The following UMODL1 variants were observed in gnomAD, a reference collection of about 807,000 sequenced individuals.
UMODL1 encodes the protein uromodulin-like 1.
In UMODL1, 128 loss-of-function variants were observed where a neutral mutation model predicts 136.3. The observed-to-expected ratio is 0.94, with a 90% confidence interval of 0.81 to 1.09. UMODL1 has a LOEUF of 1.09. UMODL1 is among the 50% of genes least tolerant of loss of function. The pLI is 0.00. For synonymous variants in UMODL1, 721 were observed against 720.0 expected, an observed-to-expected ratio of 1.00 and a Z score of -0.02; for missense variants, 1,766 against 1,725.6, an observed-to-expected ratio of 1.02 and a Z score of -0.41.
chr21:42,110,970 T>A lies in UMODL1; in HGVS notation c.1748T>A (p.Leu583Gln). 6.2e-7 allele frequency: 1 copy of A among 1,613,120 alleles called. No individual in the cohort carries two copies. Among genetic ancestry groups the A allele is most frequent in the African/African-American group, 1.3e-5 (1 of 75,036 alleles). The change falls in exon 11 of 23, where the codon CTA becomes CAA. Residue 583 changes from leucine to glutamine, a missense_variant. Physicochemically the swap from Leu to Gln is moderately radical, Grantham distance 113 (BLOSUM62 -2). Transcript: ENST00000408910. ...GLGTGTAALG[L>Q]ENFTLSPSPG... ...GGCACGGGAACAGCAGCCCTCGGCC[T>A]AGAGAACTTCACCTTGTCACCCAGT...
rs931655262 is a variant in UMODL1 at position 42,138,262 on chromosome 21, C to A, written c.*21+621C>A. On this transcript the variant is annotated intron_variant, in intron 22 of 22. Coordinates refer to ENST00000408910, the MANE Select transcript of UMODL1 (RefSeq NM_001004416.3). ...AGAGGCCCCGCTATGGGGTCTGACG[C>A]CCTCAATTGCTGGTGGATCCTAACG... is the stretch of plus-strand genomic sequence containing the variant. 5.3e-5 allele frequency among the ~76,000 whole-genome samples: 8 copies of A among 152,260 alleles called. No individual in the cohort carries two copies. The South Asian group carries it at 1.5e-3, about 28-fold the overall frequency.
In UMODL1 at chr21:42,088,468, G is replaced by A. The variant is rs565641987; in HGVS notation, c.778G>A (p.Val260Ile). The part of the protein sequence containing the change: ...IAKRVYEVIS[V>I]QVQDVNECFY... ...GAAGCGTGTCTATGAAGTGATCAGCGTCCAGGTGCAAGGTTGGGCTTCCCT... is the reference window on the plus strand; with the variant it reads ...GAAGCGTGTCTATGAAGTGATCAGCATCCAGGTGCAAGGTTGGGCTTCCCT... Residue 260 changes from valine (V) to isoleucine (I), a missense_variant, in exon 5 of 23, where the codon GTC (valine) becomes ATC (isoleucine). Coordinates refer to ENST00000408910, the MANE Select transcript of UMODL1 (RefSeq NM_001004416.3). The A allele has an allele frequency of 6.1e-5, 98 of 1,597,772 alleles. No individual in the cohort carries two copies. In the African/African-American group the frequency reaches 9.0e-4, roughly 15 times the overall value.
At chr21:42,068,289 G>C (rs141049137), upstream of UMODL1, among the ~76,000 whole-genome samples, 1 of 152,194 alleles carries the variant, frequency 6.6e-6, no homozygotes, top group Non-Finnish European at 1.5e-5. The surrounding 1 kb of genome is among the most constrained non-coding windows in gnomAD (Gnocchi z 5.5). Context: ...ATGCCGGGGG[G>C]CCTATCCTCC....
chr21:42,084,201 G>A lies in UMODL1; in HGVS notation c.437G>A (p.Cys146Tyr), dbSNP rs1569144800. ...GACTGTCCTGGACTTGAGAAGTGCT[G>A]CCCCTGGTCAGGGGGGCGCTACTGC... ...DIDCPGLEKC[C>Y]PWSGGRYCMA... The change falls in exon 3 of 23, where the codon TGC (cysteine) becomes TAC (tyrosine). Residue 146 changes from cysteine (C) to tyrosine (Y), a missense_variant. Coordinates refer to ENST00000408910, the MANE Select transcript of UMODL1 (RefSeq NM_001004416.3). 1 of 1,613,892 alleles carries A rather than the reference G, an allele frequency of 6.2e-7. No homozygotes were observed. Among genetic ancestry groups the A allele is most frequent in the Non-Finnish European group, 8.5e-7 (1 of 1,180,028 alleles).
chr21:42,075,247 G>GT (rs1555917892), intron 1 of UMODL1, among the ~76,000 whole-genome samples: 17 of 152,030 alleles, frequency 1.1e-4, no homozygotes, highest in African/African-American at 3.4e-4. Context: ...GAGATGGGGG[G>GT]GGGGTTTCAC....
At chr21:42,082,034 G>A (rs1033628019) in intron 2 of UMODL1, among the ~76,000 whole-genome samples, 1 of 152,226 alleles carries the variant, frequency 6.6e-6, no homozygotes, top group Non-Finnish European at 1.5e-5. Flanking sequence ...ATGATGAGGA[G>A]ATGAAGAGTG....
In UMODL1 at chr21:42,108,610, C is replaced by T. The variant is rs118104148; in HGVS notation, c.1520-952C>T. ...GGCATGCCGGGTGTGGGTTCGTTCC[C>T]GAGCACCTCCACCCGCAGCTCTACA... On this transcript the variant is annotated intron_variant, in intron 9 of 22. Coordinates refer to ENST00000408910, the MANE Select transcript of UMODL1 (RefSeq NM_001004416.3). 1.3e-3 allele frequency: 434 copies of T among 340,748 alleles called. 6 individuals are homozygous for T. The East Asian group carries it at 0.028, about 22-fold the overall frequency. 21.1% of individuals were successfully genotyped at this position (340,748 alleles called of 1,614,324 possible). A position where few individuals can be genotyped will look rare whatever the true frequency, so the allele number is the denominator to read the frequency against.
intron 21 of UMODL1, among the ~76,000 whole-genome samples, chr21:42,136,299 C>T (rs1415402950): frequency 6.6e-6 from 1 of 152,184 alleles, no homozygotes; most frequent in African/African-American, 2.4e-5. Flanking sequence ...TTATAGCCAC[C>T]AACTCCATGT....
At chr21:42,097,062 C>T (rs568395625) in intron 6 of UMODL1, among the ~76,000 whole-genome samples, 13 of 152,286 alleles carry the variant, frequency 8.5e-5, no homozygotes, top group Admixed American at 7.2e-4. Context: ...AGCTTTGGGC[C>T]ACCCTCAGTT....
chr21:42,108,051 C>T (rs1220286561), intron 9 of UMODL1, among the ~76,000 whole-genome samples: 3 of 152,218 alleles, frequency 2.0e-5, no homozygotes, highest in Non-Finnish European at 2.9e-5. Flanking sequence ...ACTGGAGGGC[C>T]GGCAAGCCTC....
chr21:42,119,736 C>T (rs1303676606), intron 15 of UMODL1, among the ~76,000 whole-genome samples: 1 of 152,036 alleles, frequency 6.6e-6, no homozygotes, highest in African/African-American at 2.4e-5. Flanking sequence ...TTCTTTTCTC[C>T]TATCATACTT....
chr21:42,133,416 A>G (rs1446536377), intron 21 of UMODL1, among the ~76,000 whole-genome samples: 1 of 152,214 alleles, frequency 6.6e-6, no homozygotes, highest in Non-Finnish European at 1.5e-5. Context: ...CAGGCTGCTC[A>G]TAACCCACTC....
intron 22 of UMODL1, among the ~76,000 whole-genome samples, chr21:42,140,891 T>G (rs1291389552): frequency 2.0e-5 from 3 of 152,154 alleles, no homozygotes; most frequent in Non-Finnish European, 4.4e-5. Context: ...CTCAGTTTGG[T>G]AGCTTTTGGC....
chr21:42,138,638 C>T (rs1414354982), intron 22 of UMODL1, among the ~76,000 whole-genome samples: 4 of 151,324 alleles, frequency 2.6e-5, no homozygotes, highest in Admixed American at 2.0e-4. Flanking sequence ...TGCAGTGGTG[C>T]GATCTTGGCT....
intron 21 of UMODL1, among the ~76,000 whole-genome samples, chr21:42,132,067 T>C (rs1026210517): frequency 3.3e-5 from 5 of 152,190 alleles, no homozygotes; most frequent in Non-Finnish European, 7.3e-5. Context: ...GATTATAGGC[T>C]CTGACACTTA....
At chr21:42,095,089 G>GGTTTTTTTTTTTCT (rs1555922532) in intron 6 of UMODL1, among the ~76,000 whole-genome samples, 1 of 61,186 alleles carries the variant, frequency 1.6e-5, no homozygotes, top group Admixed American at 2.8e-4. Context: ...TTCTTCTGCT[G>GGTTTTTTTTTTTCT]TTTTTTTTTT....
chr21:42,083,017 G>A lies in UMODL1; in HGVS notation c.320-1067G>A, dbSNP rs773975713. 2.4e-4 allele frequency among the ~76,000 whole-genome samples: 37 copies of A among 152,314 alleles called. No homozygotes were observed. The East Asian group carries it at 3.9e-3, about 16-fold the overall frequency. The stretch of plus-strand genomic sequence containing the variant: ...GCACACCTCCCATGGGGACCCCACC[G>A]GGTTGGCCTCTTGCCTTCCTCATCT... On this transcript the variant is annotated intron_variant, in intron 2 of 22. Coordinates refer to ENST00000408910, the MANE Select transcript of UMODL1 (RefSeq NM_001004416.3).
At chr21:42,115,789 G>C in intron 13 of UMODL1, 84 bp from the exon 14 acceptor site, 1 of 1,159,724 alleles carries the variant, frequency 8.6e-7, no homozygotes, top group African/African-American at 1.5e-5. Flanking sequence ...TCCTGGACAT[G>C]AAAATACATT....
At position 42,129,791 on chromosome 21, in the gene UMODL1, T is replaced by C; in HGVS notation, c.3769T>C (p.Ser1257Pro). Residue 1257 changes from serine to proline, a missense_variant, in exon 21 of 23, where the codon TCT becomes CCT. Ser to Pro is a moderately conservative substitution (Grantham distance 74). Transcript: ENST00000408910. ...HQMSWGPLIR[S>P]EGEPPHAEAG... Reference sequence around the variant, plus strand: ...GATGTCCTGGGGACCCCTCATCCGGTCTGAAGGTGAGTTGATGACTTGGTT... The same window carrying C: ...GATGTCCTGGGGACCCCTCATCCGGCCTGAAGGTGAGTTGATGACTTGGTT... 1 of 1,572,404 alleles carries C rather than the reference T, an allele frequency of 6.4e-7. No homozygotes were observed. The highest frequency in any genetic ancestry group is 8.6e-7 in the Non-Finnish European group (1 of 1,164,328).
Sources: allele counts gnomAD v4.1 joint callset (sites outside exome capture counted in the v4.1 genomes callset), GRCh38; gene constraint gnomAD v4.1.1; non-coding constraint Gnocchi (gnomAD v3.1); transcripts MANE v1.5; gene names NCBI Gene and HGNC (gene_info 2026-07-23, HGNC 2026-07-21).